Variants in NLGN1 observed in about 807,000 individuals in gnomAD.
NLGN1 encodes the protein neuroligin 1, also known as neuroligin-1.
NLGN1 carries 12 observed loss-of-function variants against 65.5 expected under a neutral mutation model. The ratio of observed to expected loss-of-function variants is 0.18; its 90% confidence interval spans 0.12 to 0.30. The LOEUF (loss-of-function observed/expected upper bound fraction) is 0.30. Ranked by LOEUF, NLGN1 falls within the 10% of genes least tolerant of loss-of-function variation. NLGN1 has a pLI of 1.00. For missense variants in NLGN1, 750 were observed against 1,007.1 expected, an observed-to-expected ratio of 0.74 and a Z score of 3.46; for synonymous variants, 350 against 359.5, an observed-to-expected ratio of 0.97 and a Z score of 0.30.
At chr3:173,452,682 A>C (rs539051721) in intron 2 of NLGN1, among the ~76,000 whole-genome samples, 2 of 152,318 alleles carry the variant, frequency 1.3e-5, no homozygotes, top group African/African-American at 4.8e-5. Flanking sequence ...TGCATTAGTC[A>C]AGGTTATCTA....
chr3:174,202,754 G>A (rs1390075047), intron 4 of NLGN1: 2 of 152,178 alleles, frequency 1.3e-5, no homozygotes, highest in Admixed American at 6.5e-5. Context: ...AAGAACCTGT[G>A]TGTGACTCAT....
At chr3:173,799,905 C>T (rs1715033202) in intron 3 of NLGN1, among the ~76,000 whole-genome samples, 1 of 151,434 alleles carries the variant, frequency 6.6e-6, no homozygotes, top group African/African-American at 2.4e-5. Flanking sequence ...ATTTGACCTA[C>T]TTTTTTAATG....
At chr3:173,408,325 T>A (rs1711717061) in intron 1 of NLGN1, among the ~76,000 whole-genome samples, 1 of 152,232 alleles carries the variant, frequency 6.6e-6, no homozygotes, top group African/African-American at 2.4e-5. Context: ...GGTGCCAATC[T>A]GTCTTTTAAT....
At chr3:173,864,909 G>A (rs1729831188) in intron 4 of NLGN1, among the ~76,000 whole-genome samples, 1 of 152,126 alleles carries the variant, frequency 6.6e-6, no homozygotes, top group African/African-American at 2.4e-5. Flanking sequence ...CATCTAAACT[G>A]CCTTTTAGGG....
chr3:173,776,011 A>C (rs1217061281), intron 3 of NLGN1, among the ~76,000 whole-genome samples: 1 of 152,204 alleles, frequency 6.6e-6, no homozygotes, highest in Middle Eastern at 3.4e-3. Flanking sequence ...ACTTTCTACT[A>C]TCAACATTAG....
chr3:173,615,954 A>AT (rs1352372204), intron 3 of NLGN1, among the ~76,000 whole-genome samples: 1 of 152,022 alleles, frequency 6.6e-6, no homozygotes, highest in African/African-American at 2.4e-5. Context: ...AGATACTGAG[A>AT]TAAAAAAAGG....
intron 2 of NLGN1, among the ~76,000 whole-genome samples, chr3:173,562,211 G>T (rs1285076650): frequency 6.6e-6 from 1 of 152,188 alleles, no homozygotes; most frequent in Non-Finnish European, 1.5e-5. Context: ...AATTGCATAT[G>T]TGTGTGCATG....
At chr3:173,870,426 G>T (rs1256156770) in intron 4 of NLGN1, among the ~76,000 whole-genome samples, 1 of 152,020 alleles carries the variant, frequency 6.6e-6, no homozygotes, top group Non-Finnish European at 1.5e-5. Flanking sequence ...AAATTAAAAA[G>T]AACTAGAAAA....
chr3:173,763,987 A>T (rs2150224020), intron 3 of NLGN1, among the ~76,000 whole-genome samples: 1 of 152,306 alleles, frequency 6.6e-6, no homozygotes, highest in Non-Finnish European at 1.5e-5. Flanking sequence ...TAAGCTAACA[A>T]ATATCTGAAG....
intron 2 of NLGN1, among the ~76,000 whole-genome samples, chr3:173,575,091 T>G (rs1745298404): frequency 6.6e-6 from 1 of 152,142 alleles, no homozygotes; most frequent in African/African-American, 2.4e-5. Flanking sequence ...CTCACTGTGT[T>G]GCCAAAGCTG....
At chr3:174,269,596 A>G (rs954214221) in intron 4 of NLGN1, among the ~76,000 whole-genome samples, 2 of 151,996 alleles carry the variant, frequency 1.3e-5, no homozygotes, top group African/African-American at 2.4e-5. Flanking sequence ...TGATCTGTCA[A>G]TGAACACTTG....
At chr3:174,201,320 G>A (rs1734421720) in intron 4 of NLGN1, among the ~76,000 whole-genome samples, 1 of 142,742 alleles carries the variant, frequency 7.0e-6, no homozygotes. Context: ...AAGGGAGGGA[G>A]GCGGGAGGAG....
intron 2 of NLGN1, among the ~76,000 whole-genome samples, chr3:173,570,791 C>T (rs1744526084): frequency 6.6e-6 from 1 of 152,206 alleles, no homozygotes; most frequent in African/African-American, 2.4e-5. Context: ...GCAGCCTCCA[C>T]CTCCCAGGTT....
rs181768226 is a variant in NLGN1 at position 174,255,201 on chromosome 3, C to T, written c.647-20114C>T. On this transcript the variant is annotated intron_variant, in intron 4 of 6. Transcript: ENST00000457714. Reference sequence around the variant, plus strand: ...TTAAATAAGTCAAAGATTGGGAGGCCGAGGTGGGCGGACCACAAGGTCAGG... The same window carrying T: ...TTAAATAAGTCAAAGATTGGGAGGCTGAGGTGGGCGGACCACAAGGTCAGG... Among the ~76,000 whole-genome samples, 18 of 152,068 alleles carry T rather than the reference C, an allele frequency of 1.2e-4. No homozygotes were observed. The South Asian group carries it at 2.7e-3, about 23-fold the overall frequency.
chr3:173,676,430 T>C (rs73880541), intron 3 of NLGN1, among the ~76,000 whole-genome samples: 2,978 of 152,242 alleles, frequency 0.02, 104 homozygotes, highest in African/African-American at 0.066. Context: ...TTTGGTTCCC[T>C]GACAGTGGCT....
chr3:174,089,546 A>C (rs111298088), intron 4 of NLGN1, among the ~76,000 whole-genome samples: 1 of 152,328 alleles, frequency 6.6e-6, no homozygotes, highest in Non-Finnish European at 1.5e-5. Flanking sequence ...TTAGAAGCAT[A>C]ATGAATTTTC....
At chr3:174,274,795 A>G (rs1175784082) in intron 4 of NLGN1, among the ~76,000 whole-genome samples, 2 of 151,726 alleles carry the variant, frequency 1.3e-5, no homozygotes, top group African/African-American at 4.8e-5. Context: ...GCAGAGTTCT[A>G]TATAATTTCA....
At chr3:173,778,334 T>G (rs1223768306) in intron 3 of NLGN1, among the ~76,000 whole-genome samples, 1 of 151,910 alleles carries the variant, frequency 6.6e-6, no homozygotes, top group African/African-American at 2.4e-5. Flanking sequence ...GTTAATTTTT[T>G]TAAAGGAAAA....
rs151029462 is a variant in NLGN1, at chr3:173,952,939, A to G, written c.646+145107A>G. Among the ~76,000 whole-genome samples, 148 of 151,942 alleles carry G rather than the reference A, an allele frequency of 9.7e-4. 2 individuals carry two copies. In the East Asian group the frequency reaches 0.024, roughly 25 times the overall value. On this transcript the variant is annotated intron_variant, in intron 4 of 6. Coordinates refer to ENST00000457714, the Ensembl canonical transcript of NLGN1. ...ATTACAGGCACACAACACCCACACC[A>G]GGCTAATTTTTGTATCTTTAGTAGA... is the stretch of plus-strand genomic sequence containing the variant.
Sources: allele counts gnomAD v4.1 joint callset (sites outside exome capture counted in the v4.1 genomes callset), GRCh38; gene constraint gnomAD v4.1.1; transcripts MANE v1.5; gene names NCBI Gene and HGNC (gene_info 2026-07-23, HGNC 2026-07-21).